The following NRXN3 variants were observed in gnomAD, a reference collection of about 807,000 sequenced individuals.
The protein encoded by NRXN3 is neurexin III.
A neutral mutation model predicts 137.6 loss-of-function variants in NRXN3; 32 were observed. That is an observed-to-expected ratio of 0.23 (90% CI 0.18 to 0.31). NRXN3 has a LOEUF of 0.31. Ranked by LOEUF, NRXN3 falls within the 10% of genes least tolerant of loss-of-function variation. The pLI is 1.00. For synonymous variants in NRXN3, 798 were observed against 784.5 expected (o/e 1.02, Z -0.29); for missense variants, 1,574 against 2,062.5 (o/e 0.76, Z 4.59).
intron 16 of NRXN3, among the ~76,000 whole-genome samples, chr14:79,572,108 TGA>T (rs557240320): frequency 1.8e-4 from 28 of 152,294 alleles, no homozygotes; most frequent in African/African-American, 6.0e-4. Context: ...CAAATAACTG[TGA>T]GTTATTACAT....
At chr14:79,357,917 CCTT>C (rs1378257690) in intron 15 of NRXN3, among the ~76,000 whole-genome samples, 1 of 152,156 alleles carries the variant, frequency 6.6e-6, no homozygotes, top group Non-Finnish European at 1.5e-5. Flanking sequence ...GTTCCTTGCT[CCTT>C]CTTTTGCTCA....
At chr14:78,884,721 G>T (rs1162623923) in intron 10 of NRXN3, among the ~76,000 whole-genome samples, 2 of 152,118 alleles carry the variant, frequency 1.3e-5, no homozygotes, top group African/African-American at 4.8e-5. Flanking sequence ...AAATTCACAT[G>T]CCCCATTGTG....
At chr14:79,081,096 T>C (rs913109557) in intron 15 of NRXN3, among the ~76,000 whole-genome samples, 6 of 152,202 alleles carry the variant, frequency 3.9e-5, no homozygotes, top group Admixed American at 1.3e-4. Flanking sequence ...TTGCGTCTAT[T>C]ATCTCACTAA....
rs138523095 is a variant in NRXN3 at position 79,414,740 on chromosome 14, T to C, written c.3263-52481T>C. On this transcript the variant is annotated intron_variant, in intron 15 of 20. Transcript: ENST00000335750. ...TGTTAAGAATATTTCAGGTTCACTC[T>C]TAGCACATTTTAAGTATACAATACA... is the stretch of plus-strand genomic sequence containing the variant. Among the ~76,000 whole-genome samples the C allele has an allele frequency of 1.3e-3, 202 of 152,234 alleles. 1 individual carries two copies. The highest frequency in any genetic ancestry group is 4.6e-3 in the African/African-American group (190 of 41,566).
At chr14:78,701,421 GA>G (rs2152803229) in intron 6 of NRXN3, among the ~76,000 whole-genome samples, 1 of 152,284 alleles carries the variant, frequency 6.6e-6, no homozygotes, top group South Asian at 2.1e-4. Flanking sequence ...CATGAGGGCA[GA>G]AAAACTGACT....
At chr14:79,694,446 T>C (rs1255094800) in intron 18 of NRXN3, among the ~76,000 whole-genome samples, 1 of 151,952 alleles carries the variant, frequency 6.6e-6, no homozygotes, top group Admixed American at 6.6e-5. Context: ...CCTCTACCAG[T>C]GTTTGTTATA....
intron 16 of NRXN3, among the ~76,000 whole-genome samples, chr14:79,545,998 G>T (rs2097315739): frequency 6.6e-6 from 1 of 152,116 alleles, no homozygotes; most frequent in Non-Finnish European, 1.5e-5. Context: ...TAAGTCTCAT[G>T]AGGTCTGATG....
intron 19 of NRXN3, among the ~76,000 whole-genome samples, chr14:79,764,809 C>A (rs2099050745): frequency 6.6e-6 from 1 of 152,114 alleles, no homozygotes; most frequent in Non-Finnish European, 1.5e-5. Flanking sequence ...CATGCAAAAC[C>A]ATTCACCTAT....
chr14:79,184,453 C>T (rs2063283629), intron 15 of NRXN3, among the ~76,000 whole-genome samples: 1 of 152,188 alleles, frequency 6.6e-6, no homozygotes, highest in South Asian at 2.1e-4. Flanking sequence ...ATCATCTCTA[C>T]CTTTACAAAA....
At chr14:79,342,117 T>C (rs190049206) in intron 15 of NRXN3, among the ~76,000 whole-genome samples, 1 of 152,278 alleles carries the variant, frequency 6.6e-6, no homozygotes, top group Non-Finnish European at 1.5e-5. Context: ...AGTGGAGGTA[T>C]TGGTGAGGGT....
chr14:78,908,232 T>A (rs565308036), intron 10 of NRXN3, among the ~76,000 whole-genome samples: 148 of 152,238 alleles, frequency 9.7e-4, no homozygotes, highest in African/African-American at 3.3e-3. Context: ...TCCTCTTATT[T>A]ATTTCCCATT....
chr14:78,632,113 CAA>C (rs58767974), intron 4 of NRXN3, among the ~76,000 whole-genome samples: 10 of 75,028 alleles, frequency 1.3e-4, no homozygotes, highest in African/African-American at 1.4e-4. Flanking sequence ...GACTCCGTCT[CAA>C]AAAAAAAAAA....
intron 1 of NRXN3, among the ~76,000 whole-genome samples, chr14:78,212,365 C>T (rs1483583032): frequency 6.6e-6 from 1 of 151,842 alleles, no homozygotes; most frequent in Admixed American, 6.5e-5. Flanking sequence ...TTGCCCCCAC[C>T]CTTAAATGAA....
intron 6 of NRXN3, among the ~76,000 whole-genome samples, chr14:78,697,636 A>G (rs551314185): frequency 2.0e-5 from 3 of 152,138 alleles, no homozygotes; most frequent in African/African-American, 7.2e-5. Context: ...CCTATATACC[A>G]TCACCTTGAA....
intron 6 of NRXN3, among the ~76,000 whole-genome samples, chr14:78,690,369 G>A (rs1327878912): frequency 6.6e-6 from 1 of 152,180 alleles, no homozygotes; most frequent in Admixed American, 6.5e-5. Flanking sequence ...GTCAATGAGA[G>A]ACTTAATCCA....
chr14:79,742,059 A>G (rs1476136022), intron 19 of NRXN3, among the ~76,000 whole-genome samples: 1 of 152,218 alleles, frequency 6.6e-6, no homozygotes, highest in Non-Finnish European at 1.5e-5. Context: ...GGAGCCTGAT[A>G]TATAATTACG....
chr14:79,000,257 TG>T lies in NRXN3; in HGVS notation c.3262+12117del, dbSNP rs879583472. 1.4e-3 allele frequency among the ~76,000 whole-genome samples: 210 copies of T among 152,320 alleles called. 1 individual carries two copies. Among genetic ancestry groups the T allele is most frequent in the African/African-American group, 4.5e-3 (189 of 41,584 alleles). ...GTGAGTGAAATCAAATGCATGTATG[TG>T]CATACATATGTAATATAAATAAATA... is the stretch of plus-strand genomic sequence containing the variant. On this transcript the variant is annotated intron_variant, in intron 15 of 20. Coordinates refer to ENST00000335750, the MANE Select transcript of NRXN3 (RefSeq NM_001330195.2).
chr14:79,485,490 TC>T (rs2153646137), intron 16 of NRXN3, among the ~76,000 whole-genome samples: 1 of 152,308 alleles, frequency 6.6e-6, no homozygotes, highest in South Asian at 2.1e-4. Flanking sequence ...TAGGCTGTGA[TC>T]AAGGCCCCTG....
At chr14:78,442,540 T>A (rs912382425) in intron 4 of NRXN3, among the ~76,000 whole-genome samples, 2 of 152,240 alleles carry the variant, frequency 1.3e-5, no homozygotes, top group Non-Finnish European at 2.9e-5. Context: ...CCATCCAGTC[T>A]GTGGCAATTT....
Sources: allele counts gnomAD v4.1 joint callset (sites outside exome capture counted in the v4.1 genomes callset), GRCh38; gene constraint gnomAD v4.1.1; transcripts MANE v1.5; gene names NCBI Gene and HGNC (gene_info 2026-07-23, HGNC 2026-07-21).